The following DENND1A variants were observed in gnomAD, a reference collection of about 807,000 sequenced individuals.
DENND1A encodes DENN domain containing 1A.
Under a neutral mutation model 113.7 loss-of-function variants are expected in DENND1A, and 51 were observed. That is an observed-to-expected ratio of 0.45 (90% CI 0.36 to 0.57). The LOEUF (loss-of-function observed/expected upper bound fraction) is 0.57, where lower values mean the gene tolerates loss of function less well. DENND1A is among the 20% of genes least tolerant of loss of function. The probability of loss-of-function intolerance (pLI) is 0.00; values close to 1 mark genes in which losing one functional copy is unlikely to be tolerated. For missense variants in DENND1A, 1,258 were observed against 1,395.9 expected, an observed-to-expected ratio of 0.90 and a Z score of 1.57; for synonymous variants, 565 against 570.8, an observed-to-expected ratio of 0.99 and a Z score of 0.14.
intron 21 of DENND1A, among the ~76,000 whole-genome samples, chr9:123,395,457 A>ACTCTCT (rs140282595): frequency 7.0e-5 from 10 of 142,108 alleles, no homozygotes; most frequent in East Asian, 2.1e-4. Flanking sequence ...CCCAGAATCT[A>ACTCTCT]CTCTCTCTCT....
At chr9:123,722,828 C>T (rs930397990) in intron 5 of DENND1A, among the ~76,000 whole-genome samples, 2 of 152,264 alleles carry the variant, frequency 1.3e-5, no homozygotes, top group Non-Finnish European at 2.9e-5. Flanking sequence ...TCATGGAGAA[C>T]TTCTGCTAGG....
At chr9:123,431,289 C>T (rs950752730) in intron 19 of DENND1A, among the ~76,000 whole-genome samples, 2 of 152,198 alleles carry the variant, frequency 1.3e-5, no homozygotes, top group African/African-American at 4.8e-5. Flanking sequence ...AATCATCCAA[C>T]ATGCCTTTGG....
intron 1 of DENND1A, among the ~76,000 whole-genome samples, chr9:123,893,470 G>A (rs1219464308): frequency 6.6e-6 from 1 of 152,194 alleles, no homozygotes; most frequent in Non-Finnish European, 1.5e-5. Context: ...AGACTTATCA[G>A]CTTCATCTGC....
chr9:123,485,644 A>ACGCGCGCGCGCG (rs748584342), intron 13 of DENND1A: 2 of 64,400 alleles, frequency 3.1e-5, no homozygotes, highest in Non-Finnish European at 7.6e-5. Flanking sequence ...GCGTACACAC[A>ACGCGCGCGCGCG]CGCGCGCGCG....
At chr9:123,395,468 CTGTGTGTGTG>C (rs60527655) in intron 21 of DENND1A, among the ~76,000 whole-genome samples, 2 of 142,890 alleles carry the variant, frequency 1.4e-5, no homozygotes, top group African/African-American at 2.7e-5. Context: ...CTCTCTCTCT[CTGTGTGTGTG>C]TGTGTGTGTG....
At chr9:123,546,364 C>T (rs897472165) in intron 13 of DENND1A, among the ~76,000 whole-genome samples, 3 of 151,580 alleles carry the variant, frequency 2.0e-5, no homozygotes, top group East Asian at 1.9e-4. Context: ...CTGGCTAACA[C>T]AGTGAAACCC....
At chr9:123,456,508 T>C (rs1019930856) in intron 15 of DENND1A, among the ~76,000 whole-genome samples, 1 of 152,102 alleles carries the variant, frequency 6.6e-6, no homozygotes, top group Non-Finnish European at 1.5e-5. Flanking sequence ...CAATAATTTG[T>C]CATATTTTAA....
At chr9:123,754,516 C>T (rs907249902) in intron 5 of DENND1A, among the ~76,000 whole-genome samples, 2 of 152,164 alleles carry the variant, frequency 1.3e-5, no homozygotes, top group Non-Finnish European at 1.5e-5. Flanking sequence ...TCCTCTGGCA[C>T]TAGAAAAGCA....
chr9:123,474,411 G>C (rs1391252951), intron 13 of DENND1A, among the ~76,000 whole-genome samples: 1 of 152,082 alleles, frequency 6.6e-6, no homozygotes, highest in East Asian at 1.9e-4. Context: ...TTTTGACTGG[G>C]ATAAAAATTT....
At chr9:123,876,343 A>G (rs1469805389) in intron 2 of DENND1A, among the ~76,000 whole-genome samples, 1 of 152,248 alleles carries the variant, frequency 6.6e-6, no homozygotes, top group Non-Finnish European at 1.5e-5. Flanking sequence ...TGTAAAGGAC[A>G]TGATATAACA....
At chr9:123,718,807 A>G (rs976566396) in intron 5 of DENND1A, among the ~76,000 whole-genome samples, 6 of 152,202 alleles carry the variant, frequency 3.9e-5, no homozygotes, top group Admixed American at 1.3e-4. Context: ...CTACACCCAG[A>G]GTGTCCACAA....
intron 5 of DENND1A, among the ~76,000 whole-genome samples, chr9:123,719,569 G>A (rs978314819): frequency 1.3e-5 from 2 of 152,176 alleles, no homozygotes; most frequent in South Asian, 2.1e-4. Context: ...ACCAGGCTCA[G>A]TTAAATCGCA....
At chr9:123,402,100 T>TCCATAAGGGGGCAATCATAATCCATCC (rs2043518237) in intron 21 of DENND1A, among the ~76,000 whole-genome samples, 1 of 152,218 alleles carries the variant, frequency 6.6e-6, no homozygotes, top group Non-Finnish European at 1.5e-5. Flanking sequence ...CAGCGTTCTC[T>TCCATAAGGGGGCAATCATAATCCATCC]CCATAAGGGG....
In DENND1A at chr9:123,665,302, G is replaced by A. The variant is rs556944296; in HGVS notation, c.507+1724C>T. ...ATTATGGTAGTTACCATGTAAGCTT[G>A]TTGAGAGAGCTAAATGAGAAAATGG... On this transcript the variant is annotated intron_variant, in intron 8 of 23. Transcript: ENST00000394215. 5.3e-5 allele frequency among the ~76,000 whole-genome samples: 8 copies of A among 152,224 alleles called. No individual in the cohort carries two copies. The South Asian group carries it at 1.7e-3, about 32-fold the overall frequency.
intron 19 of DENND1A, among the ~76,000 whole-genome samples, chr9:123,415,146 A>C (rs867251830): frequency 6.6e-6 from 1 of 152,202 alleles, no homozygotes; most frequent in Non-Finnish European, 1.5e-5. Context: ...AGAAAGAGTA[A>C]CGTGGTACAG....
intron 13 of DENND1A, among the ~76,000 whole-genome samples, chr9:123,547,442 T>C (rs2135781035): frequency 6.6e-6 from 1 of 152,292 alleles, no homozygotes; most frequent in South Asian, 2.1e-4. Flanking sequence ...GGCAGGAGAA[T>C]CACTTGAACT....
intron 18 of DENND1A, among the ~76,000 whole-genome samples, chr9:123,450,141 C>T (rs910059026): frequency 6.6e-6 from 1 of 151,794 alleles, no homozygotes; most frequent in Non-Finnish European, 1.5e-5. Flanking sequence ...TGAAGACAAT[C>T]AGAGCCCTCC....
At chr9:123,884,880 T>G (rs1848789401) in intron 1 of DENND1A, among the ~76,000 whole-genome samples, 1 of 152,200 alleles carries the variant, frequency 6.6e-6, no homozygotes, top group Non-Finnish European at 1.5e-5. Flanking sequence ...ATTGCTTTTT[T>G]GCCAAGAACA....
chr9:123,603,155 A>G (rs1397621252), intron 11 of DENND1A, among the ~76,000 whole-genome samples: 1 of 151,850 alleles, frequency 6.6e-6, no homozygotes, highest in Non-Finnish European at 1.5e-5. Flanking sequence ...AAAAATAAAT[A>G]TCAAAAAAAG....
Sources: gnomAD v4.1 joint callset for allele counts (sites outside exome capture counted in the v4.1 genomes callset) on GRCh38, gnomAD v4.1.1 for gene constraint, MANE v1.5 for transcripts, NCBI Gene and HGNC (gene_info 2026-07-23, HGNC 2026-07-21) for gene names.